The following CPED1 variants were observed in gnomAD, a reference collection of about 807,000 sequenced individuals.
The protein encoded by CPED1 is cadherin-like and PC-esterase domain-containing protein 1.
Under a neutral mutation model 128.2 loss-of-function variants are expected in CPED1, and 114 were observed. The ratio of observed to expected loss-of-function variants is 0.89; its 90% CI spans 0.76 to 1.04. CPED1 has a LOEUF of 1.04. CPED1 is among the 50% of genes least tolerant of loss of function. The pLI, the probability that CPED1 is intolerant of heterozygous loss-of-function variation, is 0.00. For synonymous variants in CPED1, 462 were observed against 426.7 expected, an observed-to-expected ratio of 1.08 and a Z score of -1.02; for missense variants, 1,211 against 1,207.1, an observed-to-expected ratio of 1.00 and a Z score of -0.05.
intron 16 of CPED1, among the ~76,000 whole-genome samples, chr7:121,151,230 A>G (rs913017647): frequency 1.3e-5 from 2 of 152,206 alleles, no homozygotes; most frequent in Admixed American, 1.3e-4. Context: ...ATCTCAAGAA[A>G]TAATGTACGT....
At chr7:121,079,009 C>G (rs1024892045) in intron 5 of CPED1, among the ~76,000 whole-genome samples, 1 of 152,194 alleles carries the variant, frequency 6.6e-6, no homozygotes, top group Non-Finnish European at 1.5e-5. Context: ...TCCTTATGTG[C>G]AAGCCTATGT....
chr7:121,188,146 G>T (rs1284123143), intron 16 of CPED1, among the ~76,000 whole-genome samples: 2 of 152,138 alleles, frequency 1.3e-5, no homozygotes, highest in African/African-American at 4.8e-5. Flanking sequence ...TAGGTGAAAT[G>T]ATACAATATC....
At chr7:121,152,916 T>G (rs1227167116) in intron 16 of CPED1, among the ~76,000 whole-genome samples, 1 of 152,192 alleles carries the variant, frequency 6.6e-6, no homozygotes, top group African/African-American at 2.4e-5. Flanking sequence ...GTGTAAATTT[T>G]GCCTTAAACA....
At chr7:121,180,236 G>A (rs1796872523) in intron 16 of CPED1, among the ~76,000 whole-genome samples, 1 of 152,060 alleles carries the variant, frequency 6.6e-6, no homozygotes, top group Non-Finnish European at 1.5e-5. Flanking sequence ...CATGTGAGTA[G>A]ATTATCGCAC....
chr7:121,140,762 ATAT>A, intron 14 of CPED1, 62 bp from the exon 15 acceptor site: 1 of 1,140,604 alleles, frequency 8.8e-7, no homozygotes, highest in Non-Finnish European at 1.3e-6. Context: ...ACCTAATCAT[ATAT>A]TATTTAAAGA....
intron 16 of CPED1, among the ~76,000 whole-genome samples, chr7:121,217,804 A>G (rs1797789971): frequency 6.6e-6 from 1 of 152,010 alleles, no homozygotes; most frequent in African/African-American, 2.4e-5. Flanking sequence ...TATCACTGTG[A>G]CTGGAGAAAA....
At chr7:121,147,551 T>C (rs892513893) in intron 16 of CPED1, among the ~76,000 whole-genome samples, 5 of 152,138 alleles carry the variant, frequency 3.3e-5, no homozygotes, top group African/African-American at 9.6e-5. Flanking sequence ...GGGGAATGTT[T>C]CTTTTAATAC....
rs78595111 is a variant in CPED1 at position 121,129,313 on chromosome 7, G to A, written c.1408-812G>A. On this transcript the variant is annotated intron_variant, in intron 11 of 22. Coordinates refer to ENST00000310396, the MANE Select transcript of CPED1 (RefSeq NM_024913.5). ...TATATATATATATATATATATATAC[G>A]TATATATATATATATATATATACGT... is the stretch of plus-strand genomic sequence containing the variant. Among the ~76,000 whole-genome samples, 193 of 26,838 alleles carry A rather than the reference G, an allele frequency of 7.2e-3. 2 individuals carry two copies. The highest frequency in any genetic ancestry group is 0.012 in the Non-Finnish European group (136 of 10,920). The allele number at this position is 26,838 out of a possible 152,430, so 17.6% of individuals were successfully genotyped here.
intron 7 of CPED1, among the ~76,000 whole-genome samples, chr7:121,114,805 G>T (rs1448938739): frequency 6.6e-6 from 1 of 152,168 alleles, no homozygotes; most frequent in Non-Finnish European, 1.5e-5. Flanking sequence ...TTTAAGAATT[G>T]GGTGTATCAC....
chr7:121,255,477 T>C (rs976377983), intron 18 of CPED1, among the ~76,000 whole-genome samples: 5 of 152,042 alleles, frequency 3.3e-5, no homozygotes, highest in East Asian at 1.9e-4. Flanking sequence ...GGGCAAAAAC[T>C]GGCACTGTTC....
rs150090426 is a variant in CPED1, at chr7:121,196,168, A to T, written c.2056-40546A>T. Among the ~76,000 whole-genome samples, 197 of 152,142 alleles carry T rather than the reference A, an allele frequency of 1.3e-3. 3 individuals carry two copies. The highest frequency in any genetic ancestry group is 4.5e-3 in the African/African-American group (188 of 41,514). ...GTGGAGAGCAGGAAGGAATTTTGCT[A>T]TTGGCTGCTGGAATAGTCCTGGTGA... On this transcript the variant is annotated intron_variant, in intron 16 of 22. Coordinates refer to ENST00000310396, the MANE Select transcript of CPED1 (RefSeq NM_024913.5).
At chr7:121,019,654 T>A (rs959722319) in intron 3 of CPED1, among the ~76,000 whole-genome samples, 2 of 152,054 alleles carry the variant, frequency 1.3e-5, no homozygotes, top group African/African-American at 4.8e-5. Context: ...GCATTTCATC[T>A]TTAAACTGAT....
At chr7:121,287,266 GAC>G (rs1243145865) in intron 22 of CPED1, among the ~76,000 whole-genome samples, 2 of 151,636 alleles carry the variant, frequency 1.3e-5, no homozygotes, top group Non-Finnish European at 2.9e-5. Context: ...CTGCCACACA[GAC>G]ACAGACACAG....
intron 3 of CPED1, among the ~76,000 whole-genome samples, chr7:121,026,076 G>C (rs1226899494): frequency 2.6e-5 from 4 of 152,102 alleles, no homozygotes; most frequent in African/African-American, 9.7e-5. Flanking sequence ...TATGATTTAG[G>C]CAGTCTTCCT....
chr7:121,265,675 G>A (rs747508139), intron 18 of CPED1, among the ~76,000 whole-genome samples: 2 of 152,076 alleles, frequency 1.3e-5, no homozygotes, highest in African/African-American at 4.8e-5. Flanking sequence ...CTGGGAATGA[G>A]CAGGAGGGGA....
In CPED1 at chr7:121,297,086, A is replaced by C. The variant is rs931929589; in HGVS notation, c.*1434A>C. On this transcript the variant is annotated 3_prime_UTR_variant, in exon 23 of 23. Coordinates refer to ENST00000310396, the MANE Select transcript of CPED1 (RefSeq NM_024913.5). ...TTTACATAAATGCAAATATCACTTG[A>C]TATAAACAATACAAATCTGCATCTT... 2 of 152,052 alleles carry C rather than the reference A, an allele frequency of 1.3e-5. No individual in the cohort carries two copies. The highest frequency in any genetic ancestry group is 1.3e-4 in the Admixed American group (2 of 15,268). The allele number at this position is 152,052 out of a possible 1,614,324, so 9.4% of individuals were successfully genotyped here. A position where few individuals can be genotyped will look rare whatever the true frequency, so the allele number is the denominator to read the frequency against.
chr7:121,026,930 A>C (rs1305045977), intron 3 of CPED1, among the ~76,000 whole-genome samples: 1 of 147,014 alleles, frequency 6.8e-6, no homozygotes, highest in Non-Finnish European at 1.5e-5. Context: ...TCCTGGCCTC[A>C]ATGGATCCTC....
intron 16 of CPED1, among the ~76,000 whole-genome samples, chr7:121,188,808 T>C (rs1183357575): frequency 1.3e-5 from 2 of 152,070 alleles, no homozygotes; most frequent in Non-Finnish European, 2.9e-5. Context: ...ATCCTTCTCA[T>C]CTCAAGTGTG....
rs140898249 is a variant in CPED1, at chr7:121,079,327, G to A, written c.616+15014G>A. 2.1e-3 allele frequency among the ~76,000 whole-genome samples: 318 copies of A among 152,292 alleles called. 3 individuals carry two copies. The highest frequency in any genetic ancestry group is 7.3e-3 in the African/African-American group (305 of 41,566). On this transcript the variant is annotated intron_variant, in intron 5 of 22. Coordinates refer to ENST00000310396, the MANE Select transcript of CPED1 (RefSeq NM_024913.5). ...AAAACAATAGATGTGTATTAGTAGA[G>A]GTGTTTGAAAAATGTTTGTTGACTG...
Sources: allele counts gnomAD v4.1 joint callset (sites outside exome capture counted in the v4.1 genomes callset), GRCh38; gene constraint gnomAD v4.1.1; transcripts MANE v1.5; gene names NCBI Gene and HGNC (gene_info 2026-07-23, HGNC 2026-07-21).